FER: variants seen among roughly 807,000 people sequenced by gnomAD.
The protein encoded by FER is FER tyrosine kinase, also known as tyrosine-protein kinase Fer.
A neutral mutation model predicts 111.0 loss-of-function variants in FER; 63 were observed. The ratio of observed to expected loss-of-function variants is 0.57; its 90% CI spans 0.46 to 0.70. The LOEUF is 0.70. FER is among the 30% of genes least tolerant of loss of function. FER has a pLI of 0.00. For missense variants in FER, 914 were observed against 954.0 expected, an observed-to-expected ratio of 0.96 and a Z score of 0.55; for synonymous variants, 327 against 313.9, an observed-to-expected ratio of 1.04 and a Z score of -0.44.
intron 9 of FER, among the ~76,000 whole-genome samples, chr5:108,893,755 G>T (rs1488686601): frequency 1.3e-5 from 2 of 152,040 alleles, no homozygotes; most frequent in Non-Finnish European, 2.9e-5. Flanking sequence ...GGAAAAAAAG[G>T]CCTTATGGTC....
chr5:108,969,204 C>A (rs61304250), intron 13 of FER, among the ~76,000 whole-genome samples: 7,966 of 152,134 alleles, frequency 0.052, 285 homozygotes, highest in South Asian at 0.11. Flanking sequence ...TAGTTCTATG[C>A]ATGTATGAAG....
At chr5:109,108,118 C>G (rs1184250312) in intron 17 of FER, among the ~76,000 whole-genome samples, 2 of 152,126 alleles carry the variant, frequency 1.3e-5, no homozygotes, top group East Asian at 3.9e-4. Flanking sequence ...ATCGTACACT[C>G]ATGGAGAGCT....
In FER at chr5:109,186,257, T is replaced by G; in HGVS notation, c.2261T>G (p.Phe754Cys). 6.2e-7 allele frequency: 1 copy of G among 1,614,096 alleles called. No individual in the cohort carries two copies. Among genetic ancestry groups the G allele is most frequent in the South Asian group, 1.1e-5 (1 of 91,076 alleles). Reference sequence around the variant, plus strand: ...TTTGGCATCCTTCTCTGGGAGACCTTCAGCTTAGGGGTTTGTCCGTACCCT... The same window carrying G: ...TTTGGCATCCTTCTCTGGGAGACCTGCAGCTTAGGGGTTTGTCCGTACCCT... ...WSFGILLWET[F>C]SLGVCPYPGM... Residue 754 changes from phenylalanine to cysteine, a missense_variant, in exon 19 of 20, where the codon TTC becomes TGC. By Grantham distance (205) the Phe-to-Cys change is radical (BLOSUM62 -2). Transcript: ENST00000281092.
At position 108,867,861 on chromosome 5, in the gene FER, A is replaced by C. The variant is rs1271187228; in HGVS notation, c.576A>C (p.Ala192=). 6.2e-7 allele frequency: 1 copy of C among 1,613,222 alleles called. No individual in the cohort carries two copies. The highest frequency in any genetic ancestry group is 1.3e-5 in the African/African-American group (1 of 74,848). The change falls in exon 6 of 20, where the codon GCA becomes GCC. Residue 192 remains alanine (A), a synonymous_variant. Coordinates refer to ENST00000281092, the MANE Select transcript of FER (RefSeq NM_005246.4). ...HNQYVLALKG[A]QLHQNQYYDI... ...AGTATGTATTGGCGTTGAAAGGGGCACAGCTCCATCAGAATCAGTATTATG... is the reference window on the plus strand; with the variant it reads ...AGTATGTATTGGCGTTGAAAGGGGCCCAGCTCCATCAGAATCAGTATTATG...
chr5:108,813,281 A>T (rs940762051), intron 3 of FER, among the ~76,000 whole-genome samples: 8 of 152,022 alleles, frequency 5.3e-5, no homozygotes, highest in Non-Finnish European at 1.0e-4. Flanking sequence ...TTTGTGCCTA[A>T]TGTTTTTTTC....
chr5:108,756,543 G>A (rs1408519282), intron 1 of FER, among the ~76,000 whole-genome samples: 9 of 151,820 alleles, frequency 5.9e-5, no homozygotes, highest in Non-Finnish European at 7.4e-5. Context: ...GAGTAATTAA[G>A]GGGAACTAAA....
intron 16 of FER, among the ~76,000 whole-genome samples, chr5:109,053,852 G>C (rs1026469780): frequency 5.9e-5 from 9 of 151,666 alleles, no homozygotes; most frequent in Non-Finnish European, 1.2e-4. Context: ...TACCATGCCC[G>C]GCTAATTTTT....
chr5:108,775,319 A>C (rs1053112050), intron 2 of FER, among the ~76,000 whole-genome samples: 1 of 152,080 alleles, frequency 6.6e-6, no homozygotes, highest in African/African-American at 2.4e-5. Context: ...TTACCTGTGA[A>C]CTTGTCTAGT....
intron 13 of FER, among the ~76,000 whole-genome samples, chr5:108,987,725 A>G (rs1440256890): frequency 6.6e-6 from 1 of 152,148 alleles, no homozygotes; most frequent in Non-Finnish European, 1.5e-5. Flanking sequence ...GTATACAATC[A>G]TATCATTAGC....
intron 5 of FER, among the ~76,000 whole-genome samples, chr5:108,864,990 G>A (rs1256015151): frequency 8.8e-4 from 126 of 142,618 alleles, no homozygotes; most frequent in African/African-American, 1.1e-3. Context: ...CTACCCATGA[G>A]CATGGAATGT....
At chr5:108,809,964 A>G (rs1002136967) in intron 3 of FER, among the ~76,000 whole-genome samples, 3 of 152,116 alleles carry the variant, frequency 2.0e-5, no homozygotes, top group African/African-American at 7.2e-5. Context: ...CTACATTCAC[A>G]TTTTTCATAG....
chr5:109,093,434 A>T lies in FER; in HGVS notation c.1925-6962A>T, dbSNP rs531441912. 2.6e-4 allele frequency among the ~76,000 whole-genome samples: 39 copies of T among 152,274 alleles called. No individual in the cohort carries two copies. In the South Asian group the frequency reaches 7.5e-3, roughly 29 times the overall value. On this transcript the variant is annotated intron_variant, in intron 16 of 19. Coordinates refer to ENST00000281092, the MANE Select transcript of FER (RefSeq NM_005246.4). ...ATTGGTGAATGTATTTCTGATCAAAATCTTTACGTTGTGTAAATTCTGACT... is the reference window on the plus strand; with the variant it reads ...ATTGGTGAATGTATTTCTGATCAAATTCTTTACGTTGTGTAAATTCTGACT...
intron 13 of FER, among the ~76,000 whole-genome samples, chr5:108,979,196 A>T (rs1026343389): frequency 6.6e-6 from 1 of 152,160 alleles, no homozygotes; most frequent in Non-Finnish European, 1.5e-5. Context: ...TTTCCTGTAA[A>T]GTTCTTCCTG....
intron 17 of FER, among the ~76,000 whole-genome samples, chr5:109,175,307 C>G (rs1361025696): frequency 6.6e-6 from 1 of 152,130 alleles, no homozygotes; most frequent in East Asian, 1.9e-4. Context: ...TCATTTAATT[C>G]TCACAAAAAC....
At position 108,800,862 on chromosome 5, in the gene FER, C is replaced by T. The variant is rs563154350; in HGVS notation, c.207+2473C>T. Reference sequence around the variant, plus strand: ...GAGATCGAGACCATCCTGGCTAACACGGTGAAACCTCGTCTCTACCAAAAA... The same window carrying T: ...GAGATCGAGACCATCCTGGCTAACATGGTGAAACCTCGTCTCTACCAAAAA... On this transcript the variant is annotated intron_variant, in intron 3 of 19. Transcript: ENST00000281092. Among the ~76,000 whole-genome samples, 43 of 152,082 alleles carry T rather than the reference C, an allele frequency of 2.8e-4. No homozygotes were observed. In the East Asian group the frequency reaches 3.1e-3, roughly 11 times the overall value.
At chr5:108,822,665 C>T (rs557154303) in intron 3 of FER, among the ~76,000 whole-genome samples, 2 of 151,862 alleles carry the variant, frequency 1.3e-5, no homozygotes, top group Admixed American at 1.3e-4. Flanking sequence ...TTCCATTAGG[C>T]CCTACCTACC....
intron 11 of FER, among the ~76,000 whole-genome samples, chr5:108,953,418 T>C (rs1758019989): frequency 1.3e-5 from 2 of 152,076 alleles, no homozygotes; most frequent in African/African-American, 4.8e-5. Context: ...AAACGGAATA[T>C]ATTTTAAAAG....
chr5:108,748,184 A>AT (rs1444125889), intron 1 of FER, among the ~76,000 whole-genome samples, 184 bp downstream of exon 1: 8 of 152,214 alleles, frequency 5.3e-5, no homozygotes, highest in Non-Finnish European at 1.0e-4. Flanking sequence ...AACCATTCTA[A>AT]AGCAATCCAC....
intron 17 of FER, among the ~76,000 whole-genome samples, chr5:109,158,042 C>T (rs1048282655): frequency 6.7e-6 from 1 of 150,210 alleles, no homozygotes; most frequent in African/African-American, 2.4e-5. Context: ...AGGGAGAGAG[C>T]TAAGTTAAAA....
Sources: gnomAD v4.1 joint callset for allele counts (sites outside exome capture counted in the v4.1 genomes callset) on GRCh38, gnomAD v4.1.1 for gene constraint, MANE v1.5 for transcripts, NCBI Gene and HGNC (gene_info 2026-07-23, HGNC 2026-07-21) for gene names.